The following MYH10 variants were observed in gnomAD, a reference collection of about 807,000 sequenced individuals.
The protein encoded by MYH10 is myosin heavy chain 10.
A neutral mutation model predicts 257.8 loss-of-function variants in MYH10; 55 were observed. The observed-to-expected ratio is 0.21, with a 90% CI of 0.17 to 0.27. The LOEUF (loss-of-function observed/expected upper bound fraction) is 0.27, where lower values mean the gene tolerates loss of function less well. MYH10 is among the 10% of genes least tolerant of loss of function. MYH10 has a pLI of 1.00. For synonymous variants in MYH10, 854 were observed against 921.7 expected, an observed-to-expected ratio of 0.93 and a Z score of 1.33; for missense variants, 1,631 against 2,500.6, an observed-to-expected ratio of 0.65 and a Z score of 7.42.
At chr17:8,501,145 C>T (rs1303738326) in intron 28 of MYH10, among the ~76,000 whole-genome samples, 175 bp from the exon 29 acceptor site, 1 of 152,112 alleles carries the variant, frequency 6.6e-6, no homozygotes, top group Non-Finnish European at 1.5e-5. Context: ...CAGAAATCCT[C>T]CTAGAGAGCT....
At chr17:8,594,833 G>C (rs1476864089) in intron 3 of MYH10, among the ~76,000 whole-genome samples, 1 of 152,192 alleles carries the variant, frequency 6.6e-6, no homozygotes, top group Non-Finnish European at 1.5e-5. Context: ...TATGTAAATA[G>C]TTGCTATAGT....
chr17:8,576,537 A>G (rs2083503117), intron 6 of MYH10, 106 bp downstream of exon 6: 2 of 1,122,894 alleles, frequency 1.8e-6, no homozygotes, highest in Non-Finnish European at 2.6e-6. Flanking sequence ...TTTTAATGAC[A>G]GATTTCACTT....
intron 11 of MYH10, among the ~76,000 whole-genome samples, chr17:8,547,998 C>A (rs953634928): frequency 6.6e-6 from 1 of 152,012 alleles, no homozygotes; most frequent in Non-Finnish European, 1.5e-5. Context: ...AAGGTGCACA[C>A]TGGCTGGAAC....
At chr17:8,496,201 G>A (rs898525120) in intron 30 of MYH10, among the ~76,000 whole-genome samples, 6 of 152,192 alleles carry the variant, frequency 3.9e-5, no homozygotes, top group Non-Finnish European at 5.9e-5. Flanking sequence ...CTGGGAAGAC[G>A]CAGAGGGACG....
At chr17:8,589,993 C>T (rs906663895) in intron 3 of MYH10, among the ~76,000 whole-genome samples, 6 of 152,176 alleles carry the variant, frequency 3.9e-5, no homozygotes, top group Non-Finnish European at 7.3e-5. Flanking sequence ...CTGCCTCTAG[C>T]ACCTGTGTGT....
intron 38 of MYH10, among the ~76,000 whole-genome samples, chr17:8,480,872 T>C (rs896424545): frequency 6.6e-6 from 1 of 152,152 alleles, no homozygotes; most frequent in Non-Finnish European, 1.5e-5. Flanking sequence ...GCTGAAACTC[T>C]TCAGTGGTTT....
In MYH10 at chr17:8,504,276, C is replaced by T. The variant is rs745447435; in HGVS notation, c.3599+418G>A. On this transcript the variant is annotated intron_variant, in intron 28 of 42. Transcript: ENST00000360416. This position sits in a 1 kb window ranked among gnomAD's most constrained non-coding sequence, Gnocchi z 5.6. ...TCCCTTTTCAGCTGGTTACCTACAC[C>T]GTTCACACCACCTAGCACTGCCAGC... is the stretch of plus-strand genomic sequence containing the variant. Among the ~76,000 whole-genome samples the T allele has an allele frequency of 2.6e-5, 4 of 152,114 alleles. No individual in the cohort carries two copies. The highest frequency in any genetic ancestry group is 5.9e-5 in the Non-Finnish European group (4 of 68,006).
At chr17:8,585,703 C>CG (rs1161339467) in intron 4 of MYH10, among the ~76,000 whole-genome samples, 5 of 151,674 alleles carry the variant, frequency 3.3e-5, no homozygotes, top group African/African-American at 7.3e-5. Context: ...TAGGTAAGTA[C>CG]GGGGGGACAG....
intron 6 of MYH10, among the ~76,000 whole-genome samples, chr17:8,572,255 TGTGA>T (rs759780348): frequency 9.8e-6 from 1 of 101,642 alleles, no homozygotes; most frequent in African/African-American, 3.0e-5. Context: ...TGTGTGTGTG[TGTGA>T]GTGAGAGAGA....
intron 27 of MYH10, among the ~76,000 whole-genome samples, chr17:8,505,574 A>G (rs933931475): frequency 2.0e-5 from 3 of 152,272 alleles, no homozygotes; most frequent in Non-Finnish European, 4.4e-5. Flanking sequence ...CATTAGACAT[A>G]TATTTATTAC....
In MYH10 at chr17:8,552,901, C is replaced by T. The variant is rs779969423; in HGVS notation, c.821-757G>A. Among the ~76,000 whole-genome samples the T allele has an allele frequency of 6.6e-6, 1 of 152,370 alleles. No homozygotes were observed. The highest frequency in any genetic ancestry group is 2.4e-5 in the African/African-American group (1 of 41,590). On this transcript the variant is annotated intron_variant, in intron 8 of 42. Transcript: ENST00000360416. This position sits in a 1 kb window ranked among gnomAD's most constrained non-coding sequence, Gnocchi z 4.8. ...AGCTCCTGCATTTCAGACCACTGCACACCCAGCTGTGTATCTTATCTGGGG... is the reference window on the plus strand; with the variant it reads ...AGCTCCTGCATTTCAGACCACTGCATACCCAGCTGTGTATCTTATCTGGGG...
chr17:8,545,948 G>A lies in MYH10; in HGVS notation c.1279-348C>T, dbSNP rs1241533283. 6.6e-6 allele frequency among the ~76,000 whole-genome samples: 1 copy of A among 152,096 alleles called. No individual in the cohort carries two copies. Among genetic ancestry groups the A allele is most frequent in the Admixed American group, 6.5e-5 (1 of 15,270 alleles). On this transcript the variant is annotated intron_variant, in intron 12 of 42. Coordinates refer to ENST00000360416, the MANE Select transcript of MYH10 (RefSeq NM_001256012.3). The surrounding 1 kb of genome is among the most constrained non-coding windows in gnomAD (Gnocchi z 4.7). ...AGGACAAGGCGGCAGGGGCCCTTGTGTTGGTCTGGTTCCCGAAGTATGCAG... is the reference window on the plus strand; with the variant it reads ...AGGACAAGGCGGCAGGGGCCCTTGTATTGGTCTGGTTCCCGAAGTATGCAG...
At chr17:8,597,481 C>CA (rs1339263246) in intron 3 of MYH10, among the ~76,000 whole-genome samples, 5 of 151,862 alleles carry the variant, frequency 3.3e-5, no homozygotes, top group Non-Finnish European at 5.9e-5. Flanking sequence ...AGGGTATCTC[C>CA]AGTTTTATGT....
chr17:8,490,646 G>A lies in MYH10; in HGVS notation c.4672-94C>T. Reference sequence around the variant, plus strand: ...TGTTTTACAGGCCCACTCGTGGCATGCTGGCCACTTTGGTCCCCCTGGGCC... The same window carrying A: ...TGTTTTACAGGCCCACTCGTGGCATACTGGCCACTTTGGTCCCCCTGGGCC... On this transcript the variant is annotated intron_variant, in intron 34 of 42. Transcript: ENST00000360416. The surrounding 1 kb of genome is among the most constrained non-coding windows in gnomAD (Gnocchi z 4.1). The A allele has an allele frequency of 7.6e-7, 1 of 1,323,480 alleles. No homozygotes were observed. Among genetic ancestry groups the A allele is most frequent in the Non-Finnish European group, 1.1e-6 (1 of 930,586 alleles). The allele number at this position is 1,323,480 out of a possible 1,614,324, so 82.0% of individuals were successfully genotyped here.
chr17:8,554,957 C>T (rs1409438062), intron 7 of MYH10, among the ~76,000 whole-genome samples: 3 of 148,360 alleles, frequency 2.0e-5, no homozygotes, highest in Non-Finnish European at 1.5e-5. Context: ...CATCTCAAAG[C>T]AAAATAAAAG....
At chr17:8,566,775 T>C (rs1411034483) in intron 7 of MYH10, among the ~76,000 whole-genome samples, 1 of 152,228 alleles carries the variant, frequency 6.6e-6, no homozygotes, top group African/African-American at 2.4e-5. Flanking sequence ...ATAACTAATA[T>C]AGAATTATAT....
chr17:8,489,708 A>ACACACACACACCC (rs1555570829), intron 35 of MYH10, among the ~76,000 whole-genome samples: 1 of 93,084 alleles, frequency 1.1e-5, no homozygotes, highest in African/African-American at 3.7e-5. Flanking sequence ...CGTCTGAAAA[A>ACACACACACACCC]ACACACACAC....
At chr17:8,613,067 C>T (rs1314415875) in intron 2 of MYH10, among the ~76,000 whole-genome samples, 2 of 152,098 alleles carry the variant, frequency 1.3e-5, no homozygotes, top group East Asian at 1.9e-4. Context: ...ATTTTAGAGA[C>T]AGCCAGTGGC....
intron 4 of MYH10, among the ~76,000 whole-genome samples, chr17:8,585,331 T>C (rs1245640873): frequency 7.4e-6 from 1 of 134,760 alleles, no homozygotes; most frequent in East Asian, 2.3e-4. Context: ...GTTTGTGAAG[T>C]TGACTAAACA....
Sources: gnomAD v4.1 joint callset for allele counts (sites outside exome capture counted in the v4.1 genomes callset) on GRCh38, gnomAD v4.1.1 for gene constraint, Gnocchi (gnomAD v3.1) non-coding constraint, MANE v1.5 for transcripts, NCBI Gene and HGNC (gene_info 2026-07-23, HGNC 2026-07-21) for gene names.